Variants in TPRG1 observed in about 807,000 individuals in gnomAD.
TPRG1 encodes tumor protein p63-regulated gene 1 protein.
TPRG1 carries 29 observed loss-of-function variants against 29.3 expected under a neutral mutation model. That is an observed-to-expected ratio of 0.99 (90% confidence interval 0.74 to 1.35). The LOEUF is 1.35. Ranked by LOEUF, TPRG1 falls within the 40% of genes most tolerant of loss-of-function variation. The pLI is 0.00. For missense variants in TPRG1, 327 were observed against 335.0 expected, an observed-to-expected ratio of 0.98 and a Z score of 0.19; for synonymous variants, 130 against 116.8, an observed-to-expected ratio of 1.11 and a Z score of -0.73.
At chr3:189,071,074 A>G (rs966396235) in intron 4 of TPRG1, among the ~76,000 whole-genome samples, 3 of 151,918 alleles carry the variant, frequency 2.0e-5, no homozygotes, top group African/African-American at 7.2e-5. Flanking sequence ...AAAGAAAAAA[A>G]AAAAAAAAAA....
chr3:189,257,790 A>G (rs1712172863), intron 4 of TPRG1, among the ~76,000 whole-genome samples: 1 of 151,976 alleles, frequency 6.6e-6, no homozygotes, highest in South Asian at 2.1e-4. Flanking sequence ...CTTCTGCTCA[A>G]TTTGGCTATT....
chr3:189,260,305 A>G (rs1712774471), intron 4 of TPRG1, among the ~76,000 whole-genome samples: 1 of 152,188 alleles, frequency 6.6e-6, no homozygotes. Flanking sequence ...TGGTAGAAAG[A>G]CCTTGGTTTA....
At chr3:189,112,010 G>T (rs1720586419) in intron 1 of TPRG1, among the ~76,000 whole-genome samples, 1 of 152,118 alleles carries the variant, frequency 6.6e-6, no homozygotes, top group African/African-American at 2.4e-5. Context: ...AATCATAAAT[G>T]AATGTCAGAT....
chr3:189,297,335 C>T (rs993867929), intron 4 of TPRG1, among the ~76,000 whole-genome samples: 21 of 152,238 alleles, frequency 1.4e-4, no homozygotes, highest in African/African-American at 5.1e-4. Context: ...TAAAAATGAC[C>T]ATGCCTTTCA....
intron 4 of TPRG1, among the ~76,000 whole-genome samples, chr3:189,029,298 G>C (rs1048890601): frequency 6.6e-6 from 1 of 152,198 alleles, no homozygotes; most frequent in Non-Finnish European, 1.5e-5. Context: ...TTTATTTAGA[G>C]ATGCAATGTT....
chr3:189,195,596 A>T (rs1269878636), intron 1 of TPRG1, among the ~76,000 whole-genome samples: 2 of 152,202 alleles, frequency 1.3e-5, no homozygotes, highest in Non-Finnish European at 2.9e-5. Context: ...CACAGGGGGC[A>T]GGGCACAGTG....
rs139949861 is a variant in TPRG1 at position 189,047,167 on chromosome 3, T to C, written c.-463+23221T>C. 8.2e-3 allele frequency among the ~76,000 whole-genome samples: 1,247 copies of C among 152,298 alleles called. 12 individuals are homozygous for C. The highest frequency in any genetic ancestry group is 0.017 in the Middle Eastern group (5 of 294). ...ATTACCAGGAAATATACAACAATTT[T>C]ATTACAATCTTAAATATATACACGC... On this transcript the variant is annotated intron_variant, in intron 4 of 10. Coordinates refer to the TPRG1 transcript ENST00000433971.
At chr3:189,314,017 G>C (rs937339611) in intron 5 of TPRG1, among the ~76,000 whole-genome samples, 2 of 152,172 alleles carry the variant, frequency 1.3e-5, no homozygotes, top group Admixed American at 1.3e-4. Flanking sequence ...AAGATGAGGA[G>C]ATTTTGAGTT....
intron 4 of TPRG1, among the ~76,000 whole-genome samples, chr3:189,305,153 C>G (rs1020781018): frequency 2.6e-5 from 4 of 152,158 alleles, no homozygotes; most frequent in Admixed American, 1.3e-4. Context: ...AGTGCCTTAA[C>G]AGAGACTCTT....
At chr3:189,057,499 G>A (rs919927920) in intron 4 of TPRG1, among the ~76,000 whole-genome samples, 12 of 145,470 alleles carry the variant, frequency 8.2e-5, no homozygotes, top group Non-Finnish European at 1.2e-4. Context: ...AGCCCTGATT[G>A]CTTTTTTTTT....
chr3:189,117,222 A>G (rs1401231021), intron 1 of TPRG1, among the ~76,000 whole-genome samples: 1 of 152,236 alleles, frequency 6.6e-6, no homozygotes, highest in African/African-American at 2.4e-5. Flanking sequence ...GAAGGTAAGC[A>G]TATATAAGGT....
chr3:189,138,426 C>T (rs190421106), intron 3 of TPRG1, among the ~76,000 whole-genome samples: 1 of 152,264 alleles, frequency 6.6e-6, no homozygotes, highest in Admixed American at 6.5e-5. Context: ...AGAGAGCAGA[C>T]TTTCATTTCT....
intron 1 of TPRG1, among the ~76,000 whole-genome samples, chr3:189,195,712 T>C (rs571310139): frequency 2.0e-5 from 3 of 152,170 alleles, no homozygotes; most frequent in Admixed American, 6.5e-5. Flanking sequence ...TTGAAATCTA[T>C]TGGTGTCCAA....
chr3:189,155,987 T>C (rs1414887431), intron 5 of TPRG1, among the ~76,000 whole-genome samples: 2 of 152,210 alleles, frequency 1.3e-5, no homozygotes, highest in Non-Finnish European at 2.9e-5. Context: ...TAAATAGTCT[T>C]ACCACAAAAT....
intron 2 of TPRG1, among the ~76,000 whole-genome samples, chr3:189,004,047 A>C (rs1336808531): frequency 1.3e-5 from 2 of 152,158 alleles, no homozygotes; most frequent in Non-Finnish European, 2.9e-5. Flanking sequence ...AATCCGACAG[A>C]GAAAACTGAT....
At chr3:189,319,965 G>C (rs1365029262) in intron 5 of TPRG1, among the ~76,000 whole-genome samples, 2 of 151,936 alleles carry the variant, frequency 1.3e-5, no homozygotes, top group East Asian at 3.9e-4. Flanking sequence ...CATTGTATGG[G>C]TCTCAGTTGA....
intron 3 of TPRG1, among the ~76,000 whole-genome samples, chr3:189,137,308 G>GTT (rs1723879775): frequency 7.2e-6 from 1 of 139,680 alleles, no homozygotes; most frequent in Non-Finnish European, 1.6e-5. Flanking sequence ...GTGTGTGTGT[G>GTT]TGTGTGTGTG....
intron 4 of TPRG1, among the ~76,000 whole-genome samples, chr3:189,079,590 T>C (rs1441903356): frequency 6.7e-6 from 1 of 149,680 alleles, no homozygotes; most frequent in Non-Finnish European, 1.5e-5. Context: ...AGAAGTATTT[T>C]AAACACACAC....
intron 5 of TPRG1, among the ~76,000 whole-genome samples, chr3:189,320,000 G>C (rs1317196250): frequency 2.0e-5 from 3 of 151,950 alleles, no homozygotes; most frequent in Non-Finnish European, 2.9e-5. Flanking sequence ...AGAAAGACTT[G>C]CCCTGAATAC....
Sources: gnomAD v4.1 joint callset for allele counts (sites outside exome capture counted in the v4.1 genomes callset) on GRCh38, gnomAD v4.1.1 for gene constraint, MANE v1.5 for transcripts, NCBI Gene and HGNC (gene_info 2026-07-23, HGNC 2026-07-21) for gene names.